The following PDSS2 variants were observed in gnomAD, a reference collection of about 807,000 sequenced individuals.
PDSS2 encodes the protein all trans-polyprenyl-diphosphate synthase PDSS2.
In PDSS2, 31 loss-of-function variants were observed where a neutral mutation model predicts 44.5. The observed-to-expected ratio is 0.70, with a 90% CI of 0.52 to 0.94. The LOEUF is 0.94. PDSS2 is among the 40% of genes least tolerant of loss of function. The pLI is 0.00. For synonymous variants in PDSS2, 157 were observed against 180.3 expected, an observed-to-expected ratio of 0.87 and a Z score of 1.03; for missense variants, 452 against 482.2, an observed-to-expected ratio of 0.94 and a Z score of 0.59.
At chr6:107,294,883 A>G (rs1270591163) in intron 2 of PDSS2, among the ~76,000 whole-genome samples, 1 of 152,068 alleles carries the variant, frequency 6.6e-6, no homozygotes, top group Non-Finnish European at 1.5e-5. Context: ...ATAATGGAAT[A>G]ATTGTGGGTA....
intron 4 of PDSS2, among the ~76,000 whole-genome samples, chr6:107,222,969 G>A (rs913502492): frequency 1.4e-5 from 2 of 147,504 alleles, no homozygotes; most frequent in African/African-American, 5.0e-5. Context: ...TTTTTTTTAA[G>A]ATGGAGTATC....
intron 6 of PDSS2, among the ~76,000 whole-genome samples, chr6:107,208,514 C>G (rs1773084638): frequency 6.6e-6 from 1 of 151,168 alleles, no homozygotes; most frequent in African/African-American, 2.4e-5. Flanking sequence ...CCAGGCTGGT[C>G]TTGAGTTCCT....
intron 1 of PDSS2, among the ~76,000 whole-genome samples, chr6:107,423,391 A>G (rs1233042407): frequency 6.6e-6 from 1 of 152,220 alleles, no homozygotes; most frequent in African/African-American, 2.4e-5. Flanking sequence ...AGGACAGCAT[A>G]TAGGAAATAA....
intron 2 of PDSS2, among the ~76,000 whole-genome samples, chr6:107,326,801 G>A (rs1470669227): frequency 1.5e-4 from 23 of 151,492 alleles, no homozygotes; most frequent in Non-Finnish European, 1.5e-5. Context: ...GCAGTGAGCC[G>A]AGATCATGCC....
At chr6:107,379,529 G>A (rs905921418) in intron 1 of PDSS2, among the ~76,000 whole-genome samples, 7 of 152,104 alleles carry the variant, frequency 4.6e-5, no homozygotes, top group Non-Finnish European at 8.8e-5. Context: ...TAATTAGCAT[G>A]CTTATGTCTC....
intron 3 of PDSS2, among the ~76,000 whole-genome samples, chr6:107,248,913 T>C (rs2114820872): frequency 6.6e-6 from 1 of 152,326 alleles, no homozygotes; most frequent in Admixed American, 6.5e-5. Flanking sequence ...TCCCCTTTGG[T>C]TTCAATACCT....
chr6:107,180,987 G>A (rs1339817047), intron 7 of PDSS2, among the ~76,000 whole-genome samples: 1 of 152,052 alleles, frequency 6.6e-6, no homozygotes, highest in African/African-American at 2.4e-5. Flanking sequence ...TGGGATTACA[G>A]GCATGCACCA....
intron 2 of PDSS2, among the ~76,000 whole-genome samples, chr6:107,289,318 A>G (rs1776266060): frequency 6.6e-6 from 1 of 150,446 alleles, no homozygotes; most frequent in South Asian, 2.1e-4. Flanking sequence ...GGTTGTAGTG[A>G]GCCGATATCG....
chr6:107,258,389 T>C (rs922055994), intron 3 of PDSS2, among the ~76,000 whole-genome samples: 1 of 138,906 alleles, frequency 7.2e-6, no homozygotes, highest in Non-Finnish European at 1.7e-5. Context: ...ATCTACAACA[T>C]TTGGAACCAT....
At chr6:107,256,749 C>A (rs1276797323) in intron 3 of PDSS2, among the ~76,000 whole-genome samples, 1 of 152,072 alleles carries the variant, frequency 6.6e-6, no homozygotes, top group Non-Finnish European at 1.5e-5. Flanking sequence ...AATTTGGGGG[C>A]CGGGCACAGT....
chr6:107,405,948 C>A (rs538932586), intron 1 of PDSS2, among the ~76,000 whole-genome samples: 2 of 151,648 alleles, frequency 1.3e-5, no homozygotes, highest in African/African-American at 4.8e-5. Flanking sequence ...GAAATGGGTA[C>A]AATGTAAACT....
intron 3 of PDSS2, among the ~76,000 whole-genome samples, chr6:107,250,011 T>C (rs569540957): frequency 2.0e-5 from 3 of 152,358 alleles, no homozygotes; most frequent in Admixed American, 2.0e-4. Context: ...CTTCATTCTT[T>C]ATCTTTTGGC....
At chr6:107,399,381 A>T (rs905347805) in intron 1 of PDSS2, among the ~76,000 whole-genome samples, 1 of 152,190 alleles carries the variant, frequency 6.6e-6, no homozygotes, top group African/African-American at 2.4e-5. Flanking sequence ...CTAAACTTCA[A>T]CCTGGATGTT....
At chr6:107,233,960 A>C (rs1177145367) in intron 4 of PDSS2, among the ~76,000 whole-genome samples, 1 of 152,194 alleles carries the variant, frequency 6.6e-6, no homozygotes. Context: ...TGAGGCTAGG[A>C]GCCCAAGACC....
chr6:107,268,801 G>C (rs1775493235), intron 3 of PDSS2, among the ~76,000 whole-genome samples: 1 of 152,120 alleles, frequency 6.6e-6, no homozygotes, highest in Non-Finnish European at 1.5e-5. Context: ...TAAGTTACCT[G>C]ATAAGTTCAG....
intron 1 of PDSS2, among the ~76,000 whole-genome samples, chr6:107,445,964 C>T (rs538027466): frequency 6.6e-6 from 1 of 152,244 alleles, no homozygotes; most frequent in South Asian, 2.1e-4. Flanking sequence ...CTCTCTCTCT[C>T]GTGCATGCTC....
In PDSS2 at chr6:107,334,130, A is replaced by G. The variant is rs1421409131; in HGVS notation, c.431+68T>C. On this transcript the variant is annotated intron_variant, in intron 2 of 7. Transcript: ENST00000369037. ...AGAATGACAAAGAATGGTGATTTCC[A>G]CTGACCTCTGTCCAGTAAAAGAAAA... 24 of 1,326,918 alleles carry G rather than the reference A, an allele frequency of 1.8e-5. No individual in the cohort carries two copies. In the South Asian group the frequency reaches 1.9e-4, roughly 10 times the overall value. 82.2% of individuals were successfully genotyped at this position (1,326,918 alleles called of 1,614,324 possible). A position where few individuals can be genotyped will look rare whatever the true frequency, so the allele number is the denominator to read the frequency against.
At chr6:107,259,481 G>C (rs991911773) in intron 3 of PDSS2, among the ~76,000 whole-genome samples, 1 of 151,904 alleles carries the variant, frequency 6.6e-6, no homozygotes, top group Non-Finnish European at 1.5e-5. Context: ...TGGCCAACAT[G>C]GTGAAACCCC....
chr6:107,371,241 C>T (rs148407105), intron 1 of PDSS2, among the ~76,000 whole-genome samples: 1 of 151,898 alleles, frequency 6.6e-6, no homozygotes, highest in African/African-American at 2.4e-5. Flanking sequence ...TGAGCTATTA[C>T]TGTAAAACAT....
Sources: allele counts gnomAD v4.1 joint callset (sites outside exome capture counted in the v4.1 genomes callset), GRCh38; gene constraint gnomAD v4.1.1; transcripts MANE v1.5; gene names NCBI Gene and HGNC (gene_info 2026-07-23, HGNC 2026-07-21).